STUM: variants seen among roughly 807,000 people sequenced by gnomAD.
The protein encoded by STUM is stum, mechanosensory transduction mediator homolog, also known as protein stum homolog.
Under a neutral mutation model 15.3 loss-of-function variants are expected in STUM, and 8 were observed. The observed-to-expected ratio is 0.52, with a 90% CI of 0.31 to 0.94. The LOEUF (loss-of-function observed/expected upper bound fraction) is 0.94. STUM is among the 40% of genes least tolerant of loss of function. The pLI, the probability that STUM is intolerant of heterozygous loss-of-function variation, is 0.05. For synonymous variants in STUM, 78 were observed against 88.7 expected (o/e 0.88, Z 0.68); for missense variants, 142 against 204.9 (o/e 0.69, Z 1.87).
rs536283034 is a variant in STUM, at chr1:226,568,900, G to A, written c.202+19794G>A. On this transcript the variant is annotated intron_variant, in intron 1 of 3. Coordinates refer to ENST00000366788, the MANE Select transcript of STUM (RefSeq NM_001003665.4). The stretch of plus-strand genomic sequence containing the variant: ...AAGGATAAGCAGAAGCAGAAACGCC[G>A]ACCACACTGTTAAGAGGAGGTGGGG... Among the ~76,000 whole-genome samples the A allele has an allele frequency of 9.9e-5, 15 of 151,608 alleles. 1 individual carries two copies. Among genetic ancestry groups the A allele is most frequent in the African/African-American group, 3.6e-4 (15 of 41,260 alleles).
chr1:226,603,274 G>T lies in STUM; in HGVS notation c.*1234G>T, dbSNP rs1363750790. Reference sequence around the variant, plus strand: ...AAAAGACCATGGGCCTCTTTAAGGAGCCCCTCTGTAAGTGATTGGGACAGG... The same window carrying T: ...AAAAGACCATGGGCCTCTTTAAGGATCCCCTCTGTAAGTGATTGGGACAGG... On this transcript the variant is annotated 3_prime_UTR_variant, in exon 4 of 4. Coordinates refer to ENST00000366788, the MANE Select transcript of STUM (RefSeq NM_001003665.4). The T allele has an allele frequency of 6.6e-6, 1 of 152,212 alleles. No individual in the cohort carries two copies. Among genetic ancestry groups the T allele is most frequent in the Non-Finnish European group, 1.5e-5 (1 of 68,036 alleles). 9.4% of individuals were successfully genotyped at this position (152,212 alleles called of 1,614,324 possible).
rs1667390653 is a variant in STUM at position 226,552,661 on chromosome 1, A to G, written c.202+3555A>G. On this transcript the variant is annotated intron_variant, in intron 1 of 3. Transcript: ENST00000366788. The surrounding 1 kb of genome is among the most constrained non-coding windows in gnomAD (Gnocchi z 4.7). ...TCAGGACATCAGATAGGGACAATTT[A>G]TCCCTAACACACTGCCTACTCTTTG... Among the ~76,000 whole-genome samples, 1 of 152,208 alleles carries G rather than the reference A, an allele frequency of 6.6e-6. No individual in the cohort carries two copies. Among genetic ancestry groups the G allele is most frequent in the Non-Finnish European group, 1.5e-5 (1 of 68,048 alleles).
intron 1 of STUM, among the ~76,000 whole-genome samples, chr1:226,557,078 G>GA (rs150693395): frequency 0.028 from 4,236 of 152,182 alleles, 75 homozygotes; most frequent in Non-Finnish European, 0.042. Flanking sequence ...TCAAAAAAGG[G>GA]AAAAAATCTT....
At chr1:226,570,996 C>T (rs1272222535) in intron 1 of STUM, among the ~76,000 whole-genome samples, 6 of 152,034 alleles carry the variant, frequency 3.9e-5, no homozygotes, top group Non-Finnish European at 8.8e-5. Context: ...TTTTGGAGGC[C>T]GAGGCGGGAG....
At chr1:226,560,231 T>C (rs1667518421) in intron 1 of STUM, among the ~76,000 whole-genome samples, 2 of 152,242 alleles carry the variant, frequency 1.3e-5, no homozygotes, top group African/African-American at 4.8e-5. Flanking sequence ...TCCTCAGCCC[T>C]GGCTTCCAAC....
chr1:226,587,752 CT>C (rs1482946408), intron 1 of STUM, among the ~76,000 whole-genome samples: 1 of 152,130 alleles, frequency 6.6e-6, no homozygotes, highest in Non-Finnish European at 1.5e-5. Flanking sequence ...AGAAGGCCAC[CT>C]GTCCACTCTT....
chr1:226,558,667 G>A (rs1296215208), intron 1 of STUM, among the ~76,000 whole-genome samples: 1 of 152,226 alleles, frequency 6.6e-6, no homozygotes, highest in Non-Finnish European at 1.5e-5. Flanking sequence ...AGTGTGGACT[G>A]AATGTGTGTG....
chr1:226,558,525 G>A lies in STUM; in HGVS notation c.202+9419G>A, dbSNP rs555026595. ...GCTGGCTTGAAGGGGAAGGGCACACGTTCTCCAGGGCTTAGTTCAACACAC... is the reference window on the plus strand; with the variant it reads ...GCTGGCTTGAAGGGGAAGGGCACACATTCTCCAGGGCTTAGTTCAACACAC... On this transcript the variant is annotated intron_variant, in intron 1 of 3. Coordinates refer to ENST00000366788, the MANE Select transcript of STUM (RefSeq NM_001003665.4). 7.2e-5 allele frequency among the ~76,000 whole-genome samples: 11 copies of A among 152,262 alleles called. No homozygotes were observed. In the East Asian group the frequency reaches 1.9e-3, roughly 27 times the overall value.
At chr1:226,590,653 C>T (rs540131321) in intron 1 of STUM, among the ~76,000 whole-genome samples, 1 of 152,306 alleles carries the variant, frequency 6.6e-6, no homozygotes, top group Admixed American at 6.5e-5. Flanking sequence ...TCTCTTCAAT[C>T]AGTGGGCATT....
chr1:226,572,655 C>T (rs1667737331), intron 1 of STUM, among the ~76,000 whole-genome samples: 2 of 152,208 alleles, frequency 1.3e-5, no homozygotes, highest in African/African-American at 4.8e-5. Context: ...GGGCAGCATT[C>T]CTGGGACTCA....
rs139902713 is a variant in STUM at position 226,596,873 on chromosome 1, G to A, written c.274G>A (p.Val92Ile). 125 of 1,614,236 alleles carry A rather than the reference G, an allele frequency of 7.7e-5. No homozygotes were observed. The highest frequency in any genetic ancestry group is 1.3e-4 in the East Asian group (6 of 44,892). The change falls in exon 2 of 4, where the codon GTC becomes ATC. Residue 92 changes from valine (V) to isoleucine (I), a missense_variant. By Grantham distance (29) the Val-to-Ile change is conservative. Transcript: ENST00000366788. ...TDLPDRHVCC[V>I]FWLNIAAALI... ...CCTCCCGGACAGGCATGTGTGCTGC[G>A]TCTTCTGGCTGAACATTGCAGCAGC...
At chr1:226,585,691 T>C (rs1239990134) in intron 1 of STUM, among the ~76,000 whole-genome samples, 2 of 152,122 alleles carry the variant, frequency 1.3e-5, no homozygotes, top group Admixed American at 6.6e-5. Context: ...GTTATTTGCC[T>C]CTCTCACCGC....
chr1:226,549,177 GCGGCCGGAGAC>G lies in STUM; in HGVS notation c.202+73_202+83del, dbSNP rs1303616568. On this transcript the variant is annotated intron_variant, in intron 1 of 3. Coordinates refer to ENST00000366788, the MANE Select transcript of STUM (RefSeq NM_001003665.4). The surrounding 1 kb of genome is among the most constrained non-coding windows in gnomAD (Gnocchi z 6.8). ...GGAGGGCGTGGGGGGAGAGAAGGGC[GCGGCCGGAGAC>G]CTCCTGGCGGGGCCGCGCGCTCCAA... The G allele has an allele frequency of 1.5e-5, 20 of 1,367,368 alleles. No individual in the cohort carries two copies. Among genetic ancestry groups the G allele is most frequent in the Middle Eastern group, 1.9e-4 (1 of 5,316 alleles). 84.7% of individuals were successfully genotyped at this position (1,367,368 alleles called of 1,614,324 possible). A position where few individuals can be genotyped will look rare whatever the true frequency, so the allele number is the denominator to read the frequency against.
chr1:226,552,070 G>C lies in STUM; in HGVS notation c.202+2964G>C, dbSNP rs1428554991. Among the ~76,000 whole-genome samples, 1 of 152,142 alleles carries C rather than the reference G, an allele frequency of 6.6e-6. No homozygotes were observed. Among genetic ancestry groups the C allele is most frequent in the Non-Finnish European group, 1.5e-5 (1 of 68,032 alleles). On this transcript the variant is annotated intron_variant, in intron 1 of 3. Transcript: ENST00000366788. The surrounding 1 kb of genome is among the most constrained non-coding windows in gnomAD (Gnocchi z 4.7). The stretch of plus-strand genomic sequence containing the variant: ...AGAGGGCAGTTTTTGCTGAATGAAG[G>C]CTCGTTTTTTATTTTTATTTTTTCC...
intron 1 of STUM, among the ~76,000 whole-genome samples, chr1:226,577,517 ACACT>A (rs1291729881): frequency 6.6e-6 from 1 of 151,674 alleles, no homozygotes; most frequent in Non-Finnish European, 1.5e-5. Context: ...ACACACACAC[ACACT>A]CACACACTCA....
At chr1:226,553,526 T>A (rs1667401935) in intron 1 of STUM, among the ~76,000 whole-genome samples, 1 of 152,136 alleles carries the variant, frequency 6.6e-6, no homozygotes, top group Non-Finnish European at 1.5e-5. Flanking sequence ...TGGAGGTTAT[T>A]AGGGATATGA....
chr1:226,551,074 C>CT (rs112433974), intron 1 of STUM, among the ~76,000 whole-genome samples: 148 of 146,922 alleles, frequency 1.0e-3, no homozygotes, highest in African/African-American at 2.2e-3. Flanking sequence ...ATAATCCTGG[C>CT]TTTTTTTTTT....
intron 1 of STUM, among the ~76,000 whole-genome samples, chr1:226,593,377 C>T (rs1668121224): frequency 6.6e-6 from 1 of 152,100 alleles, no homozygotes; most frequent in Non-Finnish European, 1.5e-5. Context: ...ATCCCCATCA[C>T]CTTCCCCTTG....
rs185307890 is a variant in STUM, at chr1:226,608,854, G to C, written c.*6814G>C. 7.5e-4 allele frequency: 115 copies of C among 152,448 alleles called. No individual in the cohort carries two copies. In the Middle Eastern group the frequency reaches 0.014, roughly 18 times the overall value. 9.4% of individuals were successfully genotyped at this position (152,448 alleles called of 1,614,324 possible). A position where few individuals can be genotyped will look rare whatever the true frequency, so the allele number is the denominator to read the frequency against. The stretch of plus-strand genomic sequence containing the variant: ...GCTCAGCTTTCCCCAACACCCTCAG[G>C]ACCCAGCCCCAGCCCCGGCAGACCT... On this transcript the variant is annotated 3_prime_UTR_variant, in exon 4 of 4. Transcript: ENST00000366788. The surrounding 1 kb of genome is among the most constrained non-coding windows in gnomAD (Gnocchi z 4.0).
Sources: gnomAD v4.1 joint callset for allele counts (sites outside exome capture counted in the v4.1 genomes callset) on GRCh38, gnomAD v4.1.1 for gene constraint, Gnocchi (gnomAD v3.1) non-coding constraint, MANE v1.5 for transcripts, NCBI Gene and HGNC (gene_info 2026-07-23, HGNC 2026-07-21) for gene names.